GRIK2: variants seen among roughly 807,000 people sequenced by gnomAD.
The protein encoded by GRIK2 is glutamate receptor ionotropic, kainate 2.
Under a neutral mutation model 100.3 loss-of-function variants are expected in GRIK2, and 32 were observed. That is an observed-to-expected ratio of 0.32 (90% confidence interval 0.24 to 0.43). The LOEUF is 0.43. Among genes scored for constraint, GRIK2 ranks in the 20% least tolerant of loss-of-function variants. The pLI is 1.00. For synonymous variants in GRIK2, 417 were observed against 389.4 expected (o/e 1.07, Z -0.83); for missense variants, 843 against 1,114.9 (o/e 0.76, Z 3.47).
intron 2 of GRIK2, among the ~76,000 whole-genome samples, chr6:101,480,669 G>A (rs1177797693): frequency 1.3e-5 from 2 of 151,942 alleles, no homozygotes; most frequent in African/African-American, 4.8e-5. Flanking sequence ...ATTTTAGTGT[G>A]TTACCAAGAT....
chr6:101,736,453 A>G (rs895530230), intron 7 of GRIK2, among the ~76,000 whole-genome samples: 23 of 152,188 alleles, frequency 1.5e-4, no homozygotes, highest in African/African-American at 4.6e-4. Flanking sequence ...AAATCTAGGC[A>G]GAGGTTCCCA....
chr6:101,434,874 T>C lies in GRIK2; in HGVS notation c.115+35482T>C, dbSNP rs932910320. 2.0e-5 allele frequency among the ~76,000 whole-genome samples: 3 copies of C among 152,088 alleles called. No individual in the cohort carries two copies. The East Asian group carries it at 5.8e-4, about 29-fold the overall frequency. On this transcript the variant is annotated intron_variant, in intron 2 of 16. Coordinates refer to ENST00000369134, the MANE Select transcript of GRIK2 (RefSeq NM_021956.5). ...ATAAACCAAAGGAAATAAATAATGT[T>C]TTGCTTATTTCTCTGCAGCTGCCCC...
At chr6:101,892,703 G>C (rs528939824) in intron 12 of GRIK2, among the ~76,000 whole-genome samples, 1 of 151,750 alleles carries the variant, frequency 6.6e-6, no homozygotes, top group Admixed American at 6.6e-5. Flanking sequence ...AATAGATATT[G>C]CATTAAGTAA....
rs373362759 is a variant in GRIK2 at position 101,934,008 on chromosome 6, C to CT, written c.2085+5385dup. Among the ~76,000 whole-genome samples, 852 of 150,934 alleles carry CT rather than the reference C, an allele frequency of 5.6e-3. 6 individuals are homozygous for CT. The highest frequency in any genetic ancestry group is 0.02 in the African/African-American group (804 of 41,222). On this transcript the variant is annotated intron_variant, in intron 14 of 16. Coordinates refer to ENST00000369134, the MANE Select transcript of GRIK2 (RefSeq NM_021956.5). ...GTTTTCTCTGTCTCTCTCTCCCTTTCTTTTTTTTTCCTTTAACTTTTACAG... is the reference window on the plus strand; with the variant it reads ...GTTTTCTCTGTCTCTCTCTCCCTTTCTTTTTTTTTTCCTTTAACTTTTACAG...
At chr6:102,040,838 T>C (rs1372751104) in intron 15 of GRIK2, among the ~76,000 whole-genome samples, 1 of 151,650 alleles carries the variant, frequency 6.6e-6, no homozygotes, top group Non-Finnish European at 1.5e-5. Flanking sequence ...TTTGTCTTCA[T>C]TAGTTTAACA....
In GRIK2 at chr6:101,932,581, G is replaced by GTTT. The variant is rs1165058995; in HGVS notation, c.2085+3959_2085+3961dup. 3.6e-3 allele frequency among the ~76,000 whole-genome samples: 518 copies of GTTT among 144,404 alleles called. 14 individuals carry two copies. The highest frequency in any genetic ancestry group is 0.012 in the African/African-American group (491 of 39,724). 94.7% of individuals were successfully genotyped at this position (144,404 alleles called of 152,430 possible). ...GTGCTCCTCTTTTACATTCTTTGAA[G>GTTT]TTTTTTTTTTTTAAACTTACATTAT... On this transcript the variant is annotated intron_variant, in intron 14 of 16. Transcript: ENST00000369134.
At chr6:101,619,627 A>AAACC (rs1780050873) in intron 2 of GRIK2, among the ~76,000 whole-genome samples, 1 of 152,058 alleles carries the variant, frequency 6.6e-6, no homozygotes, top group South Asian at 2.1e-4. Flanking sequence ...TGCCAGCAAG[A>AAACC]AACCACTTAA....
At chr6:101,449,737 A>T (rs375334978) in intron 2 of GRIK2, among the ~76,000 whole-genome samples, 1 of 151,756 alleles carries the variant, frequency 6.6e-6, no homozygotes, top group Non-Finnish European at 1.5e-5. Flanking sequence ...AAAAATCTAT[A>T]TAGCTTGGTG....
At chr6:102,059,574 C>T (rs1771642545) in intron 16 of GRIK2, among the ~76,000 whole-genome samples, 1 of 150,792 alleles carries the variant, frequency 6.6e-6, no homozygotes, top group South Asian at 2.1e-4. Context: ...TAACAAGCTG[C>T]TTAATATACT....
chr6:101,581,970 C>T (rs1385555154), intron 2 of GRIK2, among the ~76,000 whole-genome samples: 4 of 151,984 alleles, frequency 2.6e-5, no homozygotes, highest in African/African-American at 7.2e-5. Context: ...AGGGTAGGAC[C>T]AGGTGGAGAT....
intron 2 of GRIK2, among the ~76,000 whole-genome samples, chr6:101,450,378 T>C (rs1230644261): frequency 6.6e-6 from 1 of 151,696 alleles, no homozygotes; most frequent in Non-Finnish European, 1.5e-5. Flanking sequence ...ATTGTAGCAT[T>C]GATCTCTTTG....
chr6:101,466,387 A>G (rs1048151874), intron 2 of GRIK2, among the ~76,000 whole-genome samples: 1 of 151,684 alleles, frequency 6.6e-6, no homozygotes, highest in Admixed American at 6.6e-5. Flanking sequence ...TTGTTATATT[A>G]CTATTGTCAG....
chr6:101,806,735 G>T (rs1562403005), intron 9 of GRIK2, among the ~76,000 whole-genome samples: 1 of 150,130 alleles, frequency 6.7e-6, no homozygotes, highest in Non-Finnish European at 1.5e-5. Context: ...CAGTTCCTTT[G>T]CCTGGGGAAC....
chr6:101,743,469 C>G (rs1478721339), intron 7 of GRIK2, among the ~76,000 whole-genome samples: 1 of 152,138 alleles, frequency 6.6e-6, no homozygotes, highest in African/African-American at 2.4e-5. Context: ...GGATGCAATT[C>G]ACTTCTATAT....
intron 16 of GRIK2, among the ~76,000 whole-genome samples, chr6:102,061,991 A>G (rs2114524828): frequency 6.7e-6 from 1 of 149,720 alleles, no homozygotes. Flanking sequence ...TGCATTTCAC[A>G]GCTATATTGA....
At chr6:101,993,822 A>G (rs1056830172) in intron 14 of GRIK2, 45 of 148,054 alleles carry the variant, frequency 3.0e-4, no homozygotes, top group African/African-American at 1.1e-3. Flanking sequence ...GAATAAAAAT[A>G]AATATATATG....
intron 2 of GRIK2, among the ~76,000 whole-genome samples, chr6:101,492,914 G>A (rs1773214100): frequency 6.6e-6 from 1 of 151,800 alleles, no homozygotes; most frequent in African/African-American, 2.4e-5. Context: ...TGGTGGTTTA[G>A]CAAAGGAACA....
intron 2 of GRIK2, among the ~76,000 whole-genome samples, chr6:101,415,670 G>A (rs979019314): frequency 9.2e-5 from 14 of 151,532 alleles, no homozygotes; most frequent in African/African-American, 2.9e-4. Context: ...GCGCCCGGCC[G>A]TATTTTTCCA....
chr6:101,476,976 G>T (rs1772267096), intron 2 of GRIK2, among the ~76,000 whole-genome samples: 1 of 152,108 alleles, frequency 6.6e-6, no homozygotes, highest in Non-Finnish European at 1.5e-5. Context: ...CCATACCAGA[G>T]TAGCAAACAA....
Sources: gnomAD v4.1 joint callset for allele counts (sites outside exome capture counted in the v4.1 genomes callset) on GRCh38, gnomAD v4.1.1 for gene constraint, MANE v1.5 for transcripts, NCBI Gene and HGNC (gene_info 2026-07-23, HGNC 2026-07-21) for gene names.